Variants in CCBE1 observed in about 807,000 individuals in gnomAD.
The protein encoded by CCBE1 is collagen and calcium binding EGF domains 1, also known as collagen and calcium-binding EGF domain-containing protein 1.
Under a neutral mutation model 50.0 loss-of-function variants are expected in CCBE1, and 37 were observed. That is an observed-to-expected ratio of 0.74 (90% CI 0.57 to 0.97). The LOEUF (loss-of-function observed/expected upper bound fraction) is 0.97. Among genes scored for constraint, CCBE1 ranks in the 50% least tolerant of loss-of-function variants. The pLI is 0.00. For synonymous variants in CCBE1, 234 were observed against 203.7 expected (o/e 1.15, Z -1.27); for missense variants, 538 against 523.8 (o/e 1.03, Z -0.26).
At chr18:59,442,467 C>A (rs1021755351) in intron 7 of CCBE1, among the ~76,000 whole-genome samples, 13 of 152,174 alleles carry the variant, frequency 8.5e-5, no homozygotes, top group Non-Finnish European at 1.8e-4. Flanking sequence ...GTGGCTCATG[C>A]CTGTAATCCC....
chr18:59,667,288 AAAT>A (rs2054370498), intron 2 of CCBE1, among the ~76,000 whole-genome samples: 1 of 152,194 alleles, frequency 6.6e-6, no homozygotes, highest in African/African-American at 2.4e-5. Flanking sequence ...AAAAATAAAT[AAAT>A]AAAGTTACAG....
chr18:59,480,386 A>G, intron 2 of CCBE1, 148 bp from the exon 3 acceptor site: 1 of 595,118 alleles, frequency 1.7e-6, no homozygotes, highest in Non-Finnish European at 3.0e-6. Context: ...AGGCAATCTG[A>G]GATTAAAAGA....
intron 4 of CCBE1, among the ~76,000 whole-genome samples, chr18:59,467,338 T>C (rs1911798215): frequency 6.6e-6 from 1 of 152,172 alleles, no homozygotes; most frequent in Non-Finnish European, 1.5e-5. Context: ...TTTCCCTTTA[T>C]GGTATAGGTT....
intron 2 of CCBE1, among the ~76,000 whole-genome samples, chr18:59,503,012 C>G (rs977567384): frequency 6.6e-6 from 1 of 152,224 alleles, no homozygotes; most frequent in Non-Finnish European, 1.5e-5. Context: ...TATTCAAAGA[C>G]AGGCTTCCTG....
intron 5 of CCBE1, among the ~76,000 whole-genome samples, chr18:59,459,979 G>A (rs1354352897): frequency 6.6e-6 from 1 of 152,134 alleles, no homozygotes; most frequent in Non-Finnish European, 1.5e-5. Flanking sequence ...CAGGGGTCAC[G>A]GTCACGTTAT....
At chr18:59,614,693 C>G (rs1429273275) in intron 2 of CCBE1, among the ~76,000 whole-genome samples, 2 of 152,216 alleles carry the variant, frequency 1.3e-5, no homozygotes, top group African/African-American at 2.4e-5. Flanking sequence ...TTCCTTCAAG[C>G]CTAGTTTAGA....
chr18:59,444,808 G>A (rs902616327), intron 7 of CCBE1, among the ~76,000 whole-genome samples: 1 of 152,102 alleles, frequency 6.6e-6, no homozygotes, highest in Non-Finnish European at 1.5e-5. Flanking sequence ...GATCAGTGAT[G>A]TTGAGTATCT....
intron 2 of CCBE1, among the ~76,000 whole-genome samples, chr18:59,532,974 G>C (rs557357115): frequency 1.3e-5 from 2 of 152,276 alleles, no homozygotes; most frequent in African/African-American, 4.8e-5. Context: ...AACCTCTCAC[G>C]GAGTATGGAG....
chr18:59,675,236 G>T (rs77673510), intron 2 of CCBE1, among the ~76,000 whole-genome samples: 2,699 of 152,284 alleles, frequency 0.018, 77 homozygotes, highest in African/African-American at 0.062. Context: ...GTGTTCTCTA[G>T]TAATGTGCAT....
At chr18:59,514,816 T>G (rs935371541) in intron 2 of CCBE1, among the ~76,000 whole-genome samples, 4 of 151,130 alleles carry the variant, frequency 2.6e-5, no homozygotes, top group African/African-American at 7.3e-5. Context: ...ACATTTTAAG[T>G]TTTTTTTTGG....
chr18:59,467,266 G>A (rs767764629), intron 4 of CCBE1, among the ~76,000 whole-genome samples: 1 of 152,202 alleles, frequency 6.6e-6, no homozygotes, highest in African/African-American at 2.4e-5. Context: ...ACAACACTCA[G>A]AGAAGCAAAC....
chr18:59,456,551 G>A lies in CCBE1; in HGVS notation c.554-1600C>T, dbSNP rs990155451. Among the ~76,000 whole-genome samples the A allele has an allele frequency of 1.1e-4, 16 of 152,272 alleles. 1 individual carries two copies. The highest frequency in any genetic ancestry group is 1.0e-3 in the Admixed American group (16 of 15,292). Reference sequence around the variant, plus strand: ...CAGATGCTGGGGAAAGGCACGGAATGGATTGTCCTGCATAGCTGTTAGAAG... The same window carrying A: ...CAGATGCTGGGGAAAGGCACGGAATAGATTGTCCTGCATAGCTGTTAGAAG... On this transcript the variant is annotated intron_variant, in intron 5 of 10. Coordinates refer to ENST00000439986, the MANE Select transcript of CCBE1 (RefSeq NM_133459.4).
intron 2 of CCBE1, among the ~76,000 whole-genome samples, chr18:59,610,202 T>A (rs575385536): frequency 1.3e-5 from 2 of 152,230 alleles, no homozygotes; most frequent in Admixed American, 1.3e-4. Flanking sequence ...AGGGCTGAAA[T>A]GAGGAAGGGA....
At chr18:59,548,445 GTGGCTAGGT>G (rs1265427954) in intron 2 of CCBE1, among the ~76,000 whole-genome samples, 1 of 152,208 alleles carries the variant, frequency 6.6e-6, no homozygotes, top group Non-Finnish European at 1.5e-5. Context: ...ATTGCAGGGT[GTGGCTAGGT>G]CATCAGGATT....
At chr18:59,585,441 C>T (rs1568219567) in intron 2 of CCBE1, among the ~76,000 whole-genome samples, 3 of 152,032 alleles carry the variant, frequency 2.0e-5, no homozygotes. Context: ...TGGGCTATCA[C>T]TGAATTCCCA....
chr18:59,695,120 G>A (rs926709715), intron 2 of CCBE1, among the ~76,000 whole-genome samples: 4 of 152,198 alleles, frequency 2.6e-5, no homozygotes, highest in Admixed American at 2.0e-4. Context: ...TTCTGTAACT[G>A]TCACTGATTT....
intron 2 of CCBE1, among the ~76,000 whole-genome samples, chr18:59,630,819 T>C (rs569870862): frequency 2.0e-4 from 30 of 152,320 alleles, no homozygotes; most frequent in Admixed American, 1.8e-3. Flanking sequence ...GTACCCACAG[T>C]GGGATTCAGG....
chr18:59,465,333 T>C (rs9964263), intron 5 of CCBE1: 55,723 of 151,990 alleles, frequency 0.37, 10,990 homozygotes, highest in East Asian at 0.68. Flanking sequence ...TTCTCCTTTC[T>C]CTTTCTTCTT....
At chr18:59,566,518 G>A (rs1455287440) in intron 2 of CCBE1, among the ~76,000 whole-genome samples, 1 of 152,156 alleles carries the variant, frequency 6.6e-6, no homozygotes, top group Non-Finnish European at 1.5e-5. Context: ...TAAATCGCCA[G>A]ATTTATCCTT....
Sources: allele counts gnomAD v4.1 joint callset (sites outside exome capture counted in the v4.1 genomes callset), GRCh38; gene constraint gnomAD v4.1.1; transcripts MANE v1.5; gene names NCBI Gene and HGNC (gene_info 2026-07-23, HGNC 2026-07-21).